Variants in GNAL observed in about 807,000 individuals in gnomAD.
GNAL encodes guanine nucleotide-binding protein G(olf) subunit alpha.
A neutral mutation model predicts 55.1 loss-of-function variants in GNAL; 18 were observed. That is an observed-to-expected ratio of 0.33 (90% confidence interval 0.23 to 0.48). The LOEUF (loss-of-function observed/expected upper bound fraction) is 0.48, where lower values mean the gene tolerates loss of function less well. Among genes scored for constraint, GNAL ranks in the 20% least tolerant of loss-of-function variants. GNAL has a pLI of 0.99. For synonymous variants in GNAL, 253 were observed against 237.0 expected (o/e 1.07, Z -0.62); for missense variants, 412 against 614.1 (o/e 0.67, Z 3.48).
intron 1 of GNAL, among the ~76,000 whole-genome samples, chr18:11,750,590 G>T (rs547630160): frequency 6.6e-6 from 1 of 152,162 alleles, no homozygotes. Flanking sequence ...CACAGAGACG[G>T]AAAGAAAATA....
At chr18:11,830,834 T>C (rs2035364626) in intron 5 of GNAL, among the ~76,000 whole-genome samples, 1 of 152,170 alleles carries the variant, frequency 6.6e-6, no homozygotes, top group African/African-American at 2.4e-5. Flanking sequence ...ACAACATGGA[T>C]GAACCTTGAA....
chr18:11,777,023 G>T (rs2143324095), intron 4 of GNAL, among the ~76,000 whole-genome samples: 1 of 152,260 alleles, frequency 6.6e-6, no homozygotes, highest in East Asian at 1.9e-4. Context: ...CATCAGAATT[G>T]GAAGGACAAA....
At chr18:11,851,322 C>T in intron 5 of GNAL, 2 of 669,120 alleles carry the variant, frequency 3.0e-6, no homozygotes, top group Non-Finnish European at 4.7e-6. Context: ...CAGGCCCCAC[C>T]CCGGCGCCTT....
intron 4 of GNAL, among the ~76,000 whole-genome samples, chr18:11,802,655 TA>T (rs1423071109): frequency 6.6e-6 from 1 of 152,230 alleles, no homozygotes; most frequent in Non-Finnish European, 1.5e-5. Context: ...TAATTCTAGC[TA>T]CTATGAATTA....
Position 11,752,585 on chromosome 18 carries a change from C to T in GNAL, c.377-268C>T, listed in dbSNP as rs746868192. 1.9e-6 allele frequency: 3 copies of T among 1,589,860 alleles called. No individual in the cohort carries two copies. The highest frequency in any genetic ancestry group is 1.4e-5 in the African/African-American group (1 of 72,342). ...CACCGCCTGCTGCTCCTGGGTAAGG[C>T]CGAGGGGCGCGCGGCGGCTCCCGGC... On this transcript the variant is annotated intron_variant, in intron 1 of 11. Coordinates refer to ENST00000334049, the MANE Select transcript of GNAL (RefSeq NM_182978.4). The surrounding 1 kb of genome is among the most constrained non-coding windows in gnomAD (Gnocchi z 4.5).
At position 11,877,327 on chromosome 18, in the gene GNAL, C is replaced by T. The variant is rs189297661; in HGVS notation, c.1230+639C>T. On this transcript the variant is annotated intron_variant, in intron 11 of 11. Coordinates refer to ENST00000334049, the MANE Select transcript of GNAL (RefSeq NM_182978.4). ...AAAATTAGCTGGGTGTGGTGGCATG[C>T]GCCTGTAATCCCAGCTACTCTGGAG... is the stretch of plus-strand genomic sequence containing the variant. Among the ~76,000 whole-genome samples, 328 of 152,126 alleles carry T rather than the reference C, an allele frequency of 2.2e-3. 1 individual carries two copies. Among genetic ancestry groups the T allele is most frequent in the African/African-American group, 7.5e-3 (312 of 41,496 alleles).
At chr18:11,843,568 A>G (rs1314225249) in intron 5 of GNAL, among the ~76,000 whole-genome samples, 3 of 152,020 alleles carry the variant, frequency 2.0e-5, no homozygotes, top group Non-Finnish European at 4.4e-5. Context: ...AAAGGAAAGA[A>G]ATAAAGAGAT....
intron 4 of GNAL, among the ~76,000 whole-genome samples, chr18:11,824,662 T>C (rs910155555): frequency 2.0e-5 from 3 of 147,940 alleles, no homozygotes; most frequent in African/African-American, 7.5e-5. Flanking sequence ...CACTCCAGCC[T>C]GGGTGACAGA....
At chr18:11,853,693 T>C (rs1472755820) in intron 5 of GNAL, 1 of 167,130 alleles carries the variant, frequency 6.0e-6, no homozygotes, top group Non-Finnish European at 1.5e-5. Context: ...TATATTTGAC[T>C]GGACATTGTT....
chr18:11,750,694 G>C (rs897507386), intron 1 of GNAL, among the ~76,000 whole-genome samples: 3 of 152,156 alleles, frequency 2.0e-5, no homozygotes, highest in Admixed American at 2.0e-4. Context: ...TGGAAGCCAG[G>C]CTGCCAGGTA....
intron 4 of GNAL, among the ~76,000 whole-genome samples, chr18:11,811,813 A>G (rs926458709): frequency 6.6e-6 from 1 of 152,228 alleles, no homozygotes; most frequent in African/African-American, 2.4e-5. Flanking sequence ...TAAAAAGACC[A>G]AGAATAAGAG....
At position 11,880,080 on chromosome 18, in the gene GNAL, A is replaced by C. The variant is rs186992704; in HGVS notation, c.1231-909A>C. Among the ~76,000 whole-genome samples, 1,585 of 145,180 alleles carry C rather than the reference A, an allele frequency of 0.011. 53 individuals carry two copies. In the East Asian group the frequency reaches 0.12, roughly 11 times the overall value. The stretch of plus-strand genomic sequence containing the variant: ...AAGACCAGCCTGACCAACATGGTGA[A>C]ACCCCGTCTCTACTAAAAATACAAA... On this transcript the variant is annotated intron_variant, in intron 11 of 11. Coordinates refer to ENST00000334049, the MANE Select transcript of GNAL (RefSeq NM_182978.4).
At chr18:11,779,556 C>T (rs2033873826) in intron 4 of GNAL, among the ~76,000 whole-genome samples, 1 of 152,140 alleles carries the variant, frequency 6.6e-6, no homozygotes, top group Admixed American at 6.5e-5. Flanking sequence ...TTCACTCTGA[C>T]CTAGCTCCAA....
At chr18:11,754,179 C>T (rs528831940) in intron 4 of GNAL, among the ~76,000 whole-genome samples, 8 of 152,244 alleles carry the variant, frequency 5.3e-5, no homozygotes, top group Non-Finnish European at 1.2e-4. Flanking sequence ...CTTTGGGAGG[C>T]CGAGGCGGGC....
At chr18:11,790,825 T>C (rs2034214786) in intron 4 of GNAL, among the ~76,000 whole-genome samples, 4 of 151,878 alleles carry the variant, frequency 2.6e-5, no homozygotes. Context: ...CCCAGCTAAT[T>C]TTTTTGTATA....
chr18:11,765,169 A>T (rs908663675), intron 4 of GNAL, among the ~76,000 whole-genome samples: 1 of 152,364 alleles, frequency 6.6e-6, no homozygotes, highest in South Asian at 2.1e-4. Context: ...CCAGCACACC[A>T]AGAAATCGGG....
chr18:11,788,928 T>TATATATATATAC (rs1568027666), intron 4 of GNAL, among the ~76,000 whole-genome samples: 24 of 114,908 alleles, frequency 2.1e-4, no homozygotes, highest in South Asian at 1.4e-3. Flanking sequence ...TATATATATA[T>TATATATATATAC]ATATATATAC....
At chr18:11,808,984 T>C (rs2034737342) in intron 4 of GNAL, among the ~76,000 whole-genome samples, 1 of 152,188 alleles carries the variant, frequency 6.6e-6, no homozygotes, top group Non-Finnish European at 1.5e-5. Context: ...GGACCAGGCA[T>C]GGTGGCTCGT....
chr18:11,824,939 A>C lies in GNAL; in HGVS notation c.646A>C (p.Lys216Gln), dbSNP rs1348193134. 1.3e-6 allele frequency: 2 copies of C among 1,597,272 alleles called. No individual in the cohort carries two copies. The highest frequency in any genetic ancestry group is 1.1e-5 in the South Asian group (1 of 89,182). ...TTAGGAATTCTTTGACCATGTGAAA[A>C]AACTTTGGGACGATGAAGGCGTGAA... ...YSQEFFDHVK[K>Q]LWDDEGVKAC... Residue 216 changes from lysine to glutamine, a missense_variant, in exon 5 of 12, where the codon AAA becomes CAA. Physicochemically the swap from Lys to Gln is moderately conservative, Grantham distance 53. This residue lies in a region of GNAL where 47 missense variants were observed against 82.7 expected (regional missense o/e 0.57). Transcript: ENST00000334049.
Sources: gnomAD v4.1 joint callset for allele counts (sites outside exome capture counted in the v4.1 genomes callset) on GRCh38, gnomAD v4.1.1 for gene constraint, gnomAD v4.1.1 regional missense constraint, Gnocchi (gnomAD v3.1) non-coding constraint, MANE v1.5 for transcripts, NCBI Gene and HGNC (gene_info 2026-07-23, HGNC 2026-07-21) for gene names.